Variants in KCTD8 observed in about 807,000 individuals in gnomAD.
The protein encoded by KCTD8 is potassium channel tetramerization domain containing 8.
Under a neutral mutation model 31.5 loss-of-function variants are expected in KCTD8, and 27 were observed. That is an observed-to-expected ratio of 0.86 (90% CI 0.63 to 1.18). The LOEUF is 1.18. Ranked by LOEUF, KCTD8 falls within the 50% of genes most tolerant of loss-of-function variation. The probability of loss-of-function intolerance (pLI) is 0.00; values close to 1 mark genes in which losing one functional copy is unlikely to be tolerated. For synonymous variants in KCTD8, 290 were observed against 280.0 expected (o/e 1.04, Z -0.36); for missense variants, 658 against 647.7 (o/e 1.02, Z -0.17).
chr4:44,319,258 TG>T, intron 1 of KCTD8, among the ~76,000 whole-genome samples: 1 of 152,294 alleles, frequency 6.6e-6, no homozygotes, highest in South Asian at 2.1e-4. Context: ...AGCTTCAGTT[TG>T]TAATTTCTAT....
At chr4:44,358,465 A>T (rs559377111) in intron 1 of KCTD8, among the ~76,000 whole-genome samples, 111 of 152,182 alleles carry the variant, frequency 7.3e-4, no homozygotes, top group African/African-American at 2.6e-3. Flanking sequence ...TTGAGGAATC[A>T]CCACACTGTC....
chr4:44,182,976 C>T (rs534078077), intron 1 of KCTD8, among the ~76,000 whole-genome samples: 206 of 152,228 alleles, frequency 1.4e-3, no homozygotes, highest in African/African-American at 4.9e-3. Flanking sequence ...ATGTTAATTA[C>T]TATTATTCAA....
intron 1 of KCTD8, among the ~76,000 whole-genome samples, chr4:44,441,998 T>C (rs1274113482): frequency 6.6e-6 from 1 of 152,170 alleles, no homozygotes; most frequent in Non-Finnish European, 1.5e-5. Flanking sequence ...TGTGTAAACT[T>C]ATTAAATGTA....
intron 1 of KCTD8, among the ~76,000 whole-genome samples, chr4:44,389,392 C>G (rs183113782): frequency 2.8e-4 from 42 of 151,714 alleles, no homozygotes; most frequent in African/African-American, 9.9e-4. Flanking sequence ...TTATGTACAT[C>G]ATAAATACAC....
At chr4:44,283,762 A>G (rs1486202274) in intron 1 of KCTD8, among the ~76,000 whole-genome samples, 5 of 152,202 alleles carry the variant, frequency 3.3e-5, no homozygotes, top group Admixed American at 3.3e-4. Flanking sequence ...TTAAGCTGAT[A>G]AGCAAATTCA....
chr4:44,180,251 TA>T (rs1713338220), intron 1 of KCTD8, among the ~76,000 whole-genome samples: 1 of 152,144 alleles, frequency 6.6e-6, no homozygotes, highest in African/African-American at 2.4e-5. Flanking sequence ...TTCCATCATA[TA>T]AAGAACTCAT....
At chr4:44,236,274 C>G (rs1299189125) in intron 1 of KCTD8, among the ~76,000 whole-genome samples, 1 of 152,112 alleles carries the variant, frequency 6.6e-6, no homozygotes, top group African/African-American at 2.4e-5. Context: ...GGAAATGGAG[C>G]ATAGTTGATA....
intron 1 of KCTD8, among the ~76,000 whole-genome samples, chr4:44,306,267 T>C (rs1717803025): frequency 6.6e-6 from 1 of 152,030 alleles, no homozygotes; most frequent in African/African-American, 2.4e-5. Context: ...ATATCTCTAA[T>C]ATGCAACAGG....
chr4:44,420,125 C>A (rs1721176140), intron 1 of KCTD8, among the ~76,000 whole-genome samples: 1 of 147,680 alleles, frequency 6.8e-6, no homozygotes, highest in Non-Finnish European at 1.5e-5. Context: ...TACTTAGGTT[C>A]ATTAACAGAT....
intron 1 of KCTD8, among the ~76,000 whole-genome samples, chr4:44,309,172 AT>A (rs1411305370): frequency 6.6e-6 from 1 of 151,888 alleles, no homozygotes; most frequent in Non-Finnish European, 1.5e-5. Flanking sequence ...AATAGGGGGA[AT>A]TACAGACATA....
intron 1 of KCTD8, among the ~76,000 whole-genome samples, chr4:44,275,948 T>C (rs1439717922): frequency 1.3e-5 from 2 of 152,044 alleles, no homozygotes; most frequent in African/African-American, 4.8e-5. Flanking sequence ...TAGCAAATAT[T>C]TAGTAAAGGT....
intron 1 of KCTD8, among the ~76,000 whole-genome samples, chr4:44,311,102 A>G (rs1717937963): frequency 1.3e-5 from 2 of 152,144 alleles, no homozygotes; most frequent in African/African-American, 2.4e-5. Flanking sequence ...TAGGCCTTCA[A>G]ATTTGTCTAT....
In KCTD8 at chr4:44,448,599, G is replaced by A. The variant is rs923878225; in HGVS notation, c.-76C>T. 1 of 1,347,570 alleles carries A rather than the reference G, an allele frequency of 7.4e-7. No homozygotes were observed. Among genetic ancestry groups the A allele is most frequent in the Non-Finnish European group, 9.5e-7 (1 of 1,051,218 alleles). The allele number at this position is 1,347,570 out of a possible 1,614,324, so 83.5% of individuals were successfully genotyped here. On this transcript the variant is annotated 5_prime_UTR_variant, in exon 1 of 2. Coordinates refer to ENST00000360029, the MANE Select transcript of KCTD8 (RefSeq NM_198353.3). This position sits in a 1 kb window ranked among gnomAD's most constrained non-coding sequence, Gnocchi z 4.1. ...CCCGGAGCCCGCGCCCCAGCCCTCCGCGTGCTCCTGGCGCTCTGCGCCCTC... is the reference window on the plus strand; with the variant it reads ...CCCGGAGCCCGCGCCCCAGCCCTCCACGTGCTCCTGGCGCTCTGCGCCCTC...
Position 44,447,805 on chromosome 4 carries a change from C to A in KCTD8, c.719G>T (p.Arg240Leu), listed in dbSNP as rs770111942. 5.6e-6 allele frequency: 9 copies of A among 1,604,294 alleles called. No individual in the cohort carries two copies. The highest frequency in any genetic ancestry group is 7.7e-6 in the Non-Finnish European group (9 of 1,174,430). The change falls in exon 1 of 2, where the codon CGC becomes CTC. Residue 240 changes from arginine (R) to leucine (L), a missense_variant. Arg to Leu is a moderately radical substitution (Grantham distance 102). Coordinates refer to ENST00000360029, the MANE Select transcript of KCTD8 (RefSeq NM_198353.3). ...GAAGACCTCCTTGGCCAGCGCGATG[C>A]GCCCGCACACCATGATGCGCGCCAC... ...RRVARIMVCG[R>L]IALAKEVFGD...
At chr4:44,399,715 A>G (rs1720597756) in intron 1 of KCTD8, among the ~76,000 whole-genome samples, 1 of 152,202 alleles carries the variant, frequency 6.6e-6, no homozygotes, top group African/African-American at 2.4e-5. Context: ...CTCCCTCATA[A>G]GATGAAAAAG....
chr4:44,318,990 A>G (rs1718216802), intron 1 of KCTD8, among the ~76,000 whole-genome samples: 1 of 152,186 alleles, frequency 6.6e-6, no homozygotes, highest in Non-Finnish European at 1.5e-5. Context: ...CAGGAAGGAG[A>G]AAAGGCAAAA....
intron 1 of KCTD8, among the ~76,000 whole-genome samples, chr4:44,322,097 C>CT (rs1718310721): frequency 1.3e-5 from 2 of 151,902 alleles, no homozygotes; most frequent in South Asian, 2.1e-4. Flanking sequence ...ACTGATTTCC[C>CT]TTTTTTTGGT....
At chr4:44,347,287 A>T (rs1304681633) in intron 1 of KCTD8, among the ~76,000 whole-genome samples, 1 of 152,216 alleles carries the variant, frequency 6.6e-6, no homozygotes, top group Admixed American at 6.5e-5. Flanking sequence ...GTCCATGACA[A>T]TCATGGTTGG....
intron 1 of KCTD8, among the ~76,000 whole-genome samples, chr4:44,418,018 T>C (rs898732887): frequency 3.3e-5 from 5 of 152,144 alleles, no homozygotes; most frequent in Non-Finnish European, 2.9e-5. Context: ...GTAATCTCAA[T>C]GTCTAGCAGA....
Sources: gnomAD v4.1 joint callset for allele counts (sites outside exome capture counted in the v4.1 genomes callset) on GRCh38, gnomAD v4.1.1 for gene constraint, Gnocchi (gnomAD v3.1) non-coding constraint, MANE v1.5 for transcripts, NCBI Gene and HGNC (gene_info 2026-07-23, HGNC 2026-07-21) for gene names.